Variants in BRI3BP observed in about 807,000 individuals in gnomAD.
The protein encoded by BRI3BP is BRI3-binding protein.
In BRI3BP, 7 loss-of-function variants were observed where a neutral mutation model predicts 15.8. That is an observed-to-expected ratio of 0.44 (90% CI 0.25 to 0.83). The LOEUF (loss-of-function observed/expected upper bound fraction) is 0.83. Among genes scored for constraint, BRI3BP ranks in the 40% least tolerant of loss-of-function variants. The probability of loss-of-function intolerance (pLI) is 0.20; values close to 1 mark genes in which losing one functional copy is unlikely to be tolerated. For missense variants in BRI3BP, 320 were observed against 339.3 expected (o/e 0.94, Z 0.45); for synonymous variants, 192 against 163.5 (o/e 1.17, Z -1.33).
intron 1 of BRI3BP, among the ~76,000 whole-genome samples, chr12:124,994,865 G>A (rs989127779): frequency 2.6e-5 from 4 of 152,306 alleles, no homozygotes; most frequent in African/African-American, 9.6e-5. Flanking sequence ...AGAGAAGTTT[G>A]GGTTCAAGTT....
intron 2 of BRI3BP, among the ~76,000 whole-genome samples, chr12:125,022,509 T>C (rs1594537656): frequency 1.6e-5 from 2 of 126,726 alleles, no homozygotes; most frequent in South Asian, 4.9e-4. Context: ...TATATGGAAT[T>C]GTTAATTTAT....
intron 1 of BRI3BP, among the ~76,000 whole-genome samples, chr12:125,010,237 C>G (rs1565904000): frequency 6.6e-6 from 1 of 152,152 alleles, no homozygotes; most frequent in Non-Finnish European, 1.5e-5. Flanking sequence ...ACTGTTATCT[C>G]CATTGTTAGT....
chr12:124,994,109 C>T, intron 1 of BRI3BP, 106 bp downstream of exon 1: 1 of 799,738 alleles, frequency 1.3e-6, no homozygotes, highest in Admixed American at 5.2e-5. Flanking sequence ...CCCGCCCGGC[C>T]AGCGCGCGGG....
chr12:125,003,179 A>AC (rs933241693), intron 1 of BRI3BP, among the ~76,000 whole-genome samples: 12 of 151,998 alleles, frequency 7.9e-5, no homozygotes, highest in African/African-American at 2.4e-4. Context: ...TTTCCATAGG[A>AC]CCCGTTTGCA....
intron 2 of BRI3BP, among the ~76,000 whole-genome samples, chr12:125,023,097 A>C (rs182377908): frequency 6.6e-6 from 1 of 152,318 alleles, no homozygotes; most frequent in African/African-American, 2.4e-5. Context: ...CATTCTTGAG[A>C]TGGAACTTCG....
intron 2 of BRI3BP, among the ~76,000 whole-genome samples, chr12:125,019,993 T>C (rs1171848025): frequency 7.2e-6 from 1 of 138,786 alleles, no homozygotes; most frequent in African/African-American, 2.8e-5. Context: ...GGAGTCTCTC[T>C]CTGTTGCCCA....
chr12:125,018,742 C>T lies in BRI3BP; in HGVS notation c.316+6106C>T, dbSNP rs151255565. 4.4e-3 allele frequency among the ~76,000 whole-genome samples: 665 copies of T among 151,152 alleles called. 6 individuals carry two copies. Among genetic ancestry groups the T allele is most frequent in the African/African-American group, 0.016 (646 of 41,100 alleles). On this transcript the variant is annotated intron_variant, in intron 2 of 2. Transcript: ENST00000341446. Reference sequence around the variant, plus strand: ...TTGCCCAGGCTGAAGTGCAGTGGCGCTATCTCGGCTCACTGCAGCCTCCGC... The same window carrying T: ...TTGCCCAGGCTGAAGTGCAGTGGCGTTATCTCGGCTCACTGCAGCCTCCGC...
At chr12:125,046,066 G>A in the BRI3BP span, among the ~76,000 whole-genome samples, 1 of 152,132 alleles carries the variant, frequency 6.6e-6, no homozygotes, top group East Asian at 1.9e-4. Context: ...TTGGGAGGCT[G>A]AGGCAGGAGA....
At chr12:124,998,059 C>T (rs551125240) in intron 1 of BRI3BP, among the ~76,000 whole-genome samples, 5 of 151,402 alleles carry the variant, frequency 3.3e-5, no homozygotes, top group Admixed American at 6.6e-5. Flanking sequence ...GGGAGGCGGC[C>T]GTTGCAGTGA....
At position 125,029,360 on chromosome 12, in the gene BRI3BP, C is replaced by CAAAAAAAAAAAAAAA. The variant is rs10572574; in HGVS notation, c.*3939_*3953dup. ...GAAATCCCGTCTCTACCAAAAAATACAAAAAAAAAAAAAAAAAAAAAAATA... is the reference window on the plus strand; with the variant it reads ...GAAATCCCGTCTCTACCAAAAAATACAAAAAAAAAAAAAAAAAAAAAAAAAAAAAAAAAAAAAATA... On this transcript the variant is annotated 3_prime_UTR_variant, in exon 3 of 3. Transcript: ENST00000341446. The CAAAAAAAAAAAAAAA allele has an allele frequency of 3.8e-5, 3 of 78,688 alleles. No homozygotes were observed. The highest frequency in any genetic ancestry group is 7.1e-5 in the Non-Finnish European group (3 of 42,134). The allele number at this position is 78,688 out of a possible 1,614,324, so 4.9% of individuals were successfully genotyped here. A position where few individuals can be genotyped will look rare whatever the true frequency, so the allele number is the denominator to read the frequency against.
chr12:125,049,240 A>T, the BRI3BP span, among the ~76,000 whole-genome samples: 1 of 152,146 alleles, frequency 6.6e-6, no homozygotes, highest in Admixed American at 6.6e-5. Context: ...GATTTAACTC[A>T]GACCATCCTA....
At chr12:125,043,647 A>G in the BRI3BP span, among the ~76,000 whole-genome samples, 2 of 151,992 alleles carry the variant, frequency 1.3e-5, no homozygotes, top group Admixed American at 6.6e-5. Flanking sequence ...ACCTGAGGTC[A>G]GGAGTTCGAG....
intron 1 of BRI3BP, among the ~76,000 whole-genome samples, chr12:125,001,116 G>A (rs1010709684): frequency 1.9e-4 from 29 of 151,718 alleles, no homozygotes; most frequent in Admixed American, 2.0e-4. Context: ...GTGCAGTGGC[G>A]CGATCTCGGC....
chr12:125,009,287 T>C (rs981118938), intron 1 of BRI3BP, among the ~76,000 whole-genome samples: 2 of 130,744 alleles, frequency 1.5e-5, no homozygotes, highest in African/African-American at 5.7e-5. Flanking sequence ...AGCCATCTTT[T>C]TTTTTTTTTT....
intron 1 of BRI3BP, among the ~76,000 whole-genome samples, chr12:125,002,444 GT>G (rs60534735): frequency 0.052 from 7,442 of 142,480 alleles, 285 homozygotes; most frequent in Middle Eastern, 0.096. Flanking sequence ...TCCAGAACTG[GT>G]TTTTTTTTTT....
intron 2 of BRI3BP, among the ~76,000 whole-genome samples, chr12:125,024,483 ACT>A (rs538860001): frequency 8.2e-4 from 124 of 152,060 alleles, no homozygotes; most frequent in African/African-American, 2.7e-3. Context: ...GGTTTTTAAA[ACT>A]CAACATGGCA....
chr12:125,014,613 T>A (rs781200069), intron 2 of BRI3BP, among the ~76,000 whole-genome samples: 2 of 152,158 alleles, frequency 1.3e-5, no homozygotes, highest in Non-Finnish European at 2.9e-5. Context: ...TACTGGGGGC[T>A]GGTCATGTAG....
chr12:125,016,294 C>T (rs1193949118), intron 2 of BRI3BP, among the ~76,000 whole-genome samples: 3 of 151,070 alleles, frequency 2.0e-5, no homozygotes, highest in African/African-American at 4.9e-5. Flanking sequence ...CATACACCAA[C>T]GTTGGATATT....
chr12:125,022,196 C>T (rs1380718193), intron 2 of BRI3BP, among the ~76,000 whole-genome samples: 1 of 151,798 alleles, frequency 6.6e-6, no homozygotes, highest in Non-Finnish European at 1.5e-5. Context: ...CCAGGGGATT[C>T]CTGGAGGAAT....
Sources: gnomAD v4.1 joint callset for allele counts (sites outside exome capture counted in the v4.1 genomes callset) on GRCh38, gnomAD v4.1.1 for gene constraint, MANE v1.5 for transcripts, NCBI Gene and HGNC (gene_info 2026-07-23, HGNC 2026-07-21) for gene names.